Variants in ANO1 observed in about 807,000 individuals in gnomAD.
The protein encoded by ANO1 is anoctamin 1, also known as anoctamin-1.
In ANO1, 59 loss-of-function variants were observed where a neutral mutation model predicts 124.0. The ratio of observed to expected loss-of-function variants is 0.48; its 90% CI spans 0.39 to 0.59. The LOEUF (loss-of-function observed/expected upper bound fraction) is 0.59. Ranked by LOEUF, ANO1 falls within the 20% of genes least tolerant of loss-of-function variation. The pLI, the probability that ANO1 is intolerant of heterozygous loss-of-function variation, is 0.00. For synonymous variants in ANO1, 529 were observed against 532.0 expected, an observed-to-expected ratio of 0.99 and a Z score of 0.08; for missense variants, 1,059 against 1,328.0, an observed-to-expected ratio of 0.80 and a Z score of 3.15.
rs954468750 is a variant in ANO1, at chr11:70,188,861, C to G, written c.*857C>G. ...AGAAGTCTTAGGGCTTCCAGGGGTCCCCTGGAAGCTTTAGAATATTTATGG... is the reference window on the plus strand; with the variant it reads ...AGAAGTCTTAGGGCTTCCAGGGGTCGCCTGGAAGCTTTAGAATATTTATGG... On this transcript the variant is annotated 3_prime_UTR_variant, in exon 26 of 26. Coordinates refer to ENST00000355303, the MANE Select transcript of ANO1 (RefSeq NM_018043.7). The G allele has an allele frequency of 7.4e-6, 1 of 135,096 alleles. No individual in the cohort carries two copies. Among genetic ancestry groups the G allele is most frequent in the African/African-American group, 2.8e-5 (1 of 36,022 alleles). 8.4% of individuals were successfully genotyped at this position (135,096 alleles called of 1,614,324 possible).
intron 6 of ANO1, among the ~76,000 whole-genome samples, chr11:70,110,686 C>T (rs905865959): frequency 4.6e-5 from 7 of 152,148 alleles, no homozygotes; most frequent in African/African-American, 1.7e-4. Flanking sequence ...GTGGTCCGCC[C>T]AGGCTGCTGT....
the ANO1 span, among the ~76,000 whole-genome samples, chr11:69,967,228 A>G: frequency 6.8e-6 from 1 of 147,910 alleles, no homozygotes; most frequent in South Asian, 2.2e-4. Context: ...GAGCGCCCGT[A>G]TCACACGTTA....
chr11:70,185,753 T>G (rs771460319), intron 25 of ANO1, 58 bp downstream of exon 25: 37 of 1,559,038 alleles, frequency 2.4e-5, no homozygotes, highest in Non-Finnish European at 3.3e-5. Flanking sequence ...GGGACCATCC[T>G]GTGCCTACAG....
At chr11:70,101,699 C>A (rs1590733921) in intron 2 of ANO1, among the ~76,000 whole-genome samples, 1 of 151,400 alleles carries the variant, frequency 6.6e-6, no homozygotes, top group Non-Finnish European at 1.5e-5. Flanking sequence ...GGGTCCAGAA[C>A]CCAGGTCAGG....
At chr11:70,082,325 G>A (rs951405451) in intron 1 of ANO1, among the ~76,000 whole-genome samples, 1 of 152,236 alleles carries the variant, frequency 6.6e-6, no homozygotes, top group Non-Finnish European at 1.5e-5. Flanking sequence ...TTGGGAGGCC[G>A]AGGCTGGTGG....
chr11:70,103,248 G>A lies in ANO1; in HGVS notation c.540+84G>A, dbSNP rs577615716. 2.5e-4 allele frequency: 274 copies of A among 1,092,800 alleles called. No individual in the cohort carries two copies. The East Asian group carries it at 6.2e-3, about 25-fold the overall frequency. 67.7% of individuals were successfully genotyped at this position (1,092,800 alleles called of 1,614,324 possible). ...CCTGGCAGTGAAACATGCCGACCTCGAGGCCCTGAGTTTTATAAAAAAAAA... is the reference window on the plus strand; with the variant it reads ...CCTGGCAGTGAAACATGCCGACCTCAAGGCCCTGAGTTTTATAAAAAAAAA... On this transcript the variant is annotated intron_variant, in intron 3 of 25. Coordinates refer to ENST00000355303, the MANE Select transcript of ANO1 (RefSeq NM_018043.7).
At chr11:70,120,926 G>A (rs34837152) in intron 8 of ANO1, among the ~76,000 whole-genome samples, 2 of 152,068 alleles carry the variant, frequency 1.3e-5, no homozygotes, top group Admixed American at 1.3e-4. Context: ...CCTGCTCACC[G>A]GGGCTAAGGT....
rs770727713 is a variant in ANO1 at position 70,126,212 on chromosome 11, C to T, written c.1097+17C>T. 5.6e-6 allele frequency: 9 copies of T among 1,607,584 alleles called. No individual in the cohort carries two copies. The African/African-American group carries it at 9.4e-5, about 17-fold the overall frequency. ...CATCCCCAGGTAGGCGGCAGCCCAC[C>T]CCCACCACCCCGCAGTACACAGAGG... is the stretch of plus-strand genomic sequence containing the variant. On this transcript the variant is annotated intron_variant, in intron 10 of 25. Transcript: ENST00000355303.
rs528941709 is a variant in ANO1 at position 70,004,890 on chromosome 11, A to C, written c.58+18724A>C. Among the ~76,000 whole-genome samples the C allele has an allele frequency of 3.3e-4, 51 of 152,246 alleles. No individual in the cohort carries two copies. The South Asian group carries it at 9.5e-3, about 28-fold the overall frequency. On this transcript the variant is annotated intron_variant, in intron 1 of 27. Coordinates refer to the ANO1 transcript ENST00000531349. ...CACTTTGGGAGTCCCAGGTGGGTGG[A>C]TCACCTGAGGTCAGGAGTTCGAGAC...
intron 1 of ANO1, among the ~76,000 whole-genome samples, chr11:70,008,176 T>C (rs190249495): frequency 3.9e-5 from 6 of 152,360 alleles, no homozygotes; most frequent in African/African-American, 1.2e-4. Context: ...ATCAAATATA[T>C]GCCTTACAAA....
intron 1 of ANO1, among the ~76,000 whole-genome samples, chr11:70,066,985 C>T (rs529644353): frequency 9.2e-5 from 14 of 152,296 alleles, no homozygotes; most frequent in African/African-American, 3.1e-4. Context: ...CCAGTCTGTC[C>T]GGGGTGTCCA....
intron 1 of ANO1, among the ~76,000 whole-genome samples, chr11:70,019,244 CACACACACACACACACACATTCACT>C (rs1856756834): frequency 1.5e-5 from 2 of 131,654 alleles, no homozygotes. Context: ...AGAACCCCCC[CACACACACACACACACACATTCACT>C]CCCCCGTCTA....
upstream of ANO1, among the ~76,000 whole-genome samples, chr11:69,982,832 G>A (rs574380141): frequency 6.6e-6 from 1 of 152,268 alleles, no homozygotes; most frequent in Non-Finnish European, 1.5e-5. Flanking sequence ...ACCCATGGCA[G>A]GCATTCAAAG....
At chr11:70,093,970 CCT>C (rs1053790280) in intron 2 of ANO1, among the ~76,000 whole-genome samples, 11 of 152,252 alleles carry the variant, frequency 7.2e-5, no homozygotes, top group African/African-American at 2.7e-4. Flanking sequence ...AGTGGCTTCA[CCT>C]CTCTGGGTCT....
At chr11:70,178,067 T>C (rs2048795054) in intron 22 of ANO1, among the ~76,000 whole-genome samples, 1 of 152,252 alleles carries the variant, frequency 6.6e-6, no homozygotes, top group Non-Finnish European at 1.5e-5. Context: ...TCTGCACTCG[T>C]GCAGTCACTC....
chr11:69,987,604 C>CAAAAAAAAAA (rs202001305), intron 1 of ANO1, among the ~76,000 whole-genome samples: 5 of 109,722 alleles, frequency 4.6e-5, no homozygotes, highest in African/African-American at 2.1e-4. Context: ...GACCATGTCT[C>CAAAAAAAAAA]AAAAAAAAAA....
intron 8 of ANO1, 60 bp downstream of exon 8, chr11:70,116,559 G>A (rs559789770): frequency 1.5e-5 from 23 of 1,528,670 alleles, no homozygotes; most frequent in Admixed American, 7.8e-5. Context: ...GTTCTGGGGC[G>A]GGGTGGGCCT....
Position 70,180,140 on chromosome 11 carries a change from C to T in ANO1, c.2403+84C>T, listed in dbSNP as rs1590939182. ...GGGGCCCTGTGGAGAAGGAGCTGGG[C>T]ATGGGTCTTCTGCCTCTAGCCATGG... is the stretch of plus-strand genomic sequence containing the variant. On this transcript the variant is annotated intron_variant, in intron 23 of 25. Coordinates refer to ENST00000355303, the MANE Select transcript of ANO1 (RefSeq NM_018043.7). 10 of 1,280,336 alleles carry T rather than the reference C, an allele frequency of 7.8e-6. No homozygotes were observed. The East Asian group carries it at 2.3e-4, about 30-fold the overall frequency. 79.3% of individuals were successfully genotyped at this position (1,280,336 alleles called of 1,614,324 possible). A position where few individuals can be genotyped will look rare whatever the true frequency, so the allele number is the denominator to read the frequency against.
rs546647569 is a variant in ANO1, at chr11:70,187,003, C to T, written c.2695-735C>T. ...AGGCATGGCACCCCAGACCTGGCCT[C>T]ACCTGGAGGCAAGGCAGCCCCTAGA... On this transcript the variant is annotated intron_variant, in intron 25 of 25. Coordinates refer to ENST00000355303, the MANE Select transcript of ANO1 (RefSeq NM_018043.7). Among the ~76,000 whole-genome samples the T allele has an allele frequency of 2.0e-4, 31 of 152,346 alleles. No individual in the cohort carries two copies. The South Asian group carries it at 3.1e-3, about 15-fold the overall frequency.
Sources: allele counts gnomAD v4.1 joint callset (sites outside exome capture counted in the v4.1 genomes callset), GRCh38; gene constraint gnomAD v4.1.1; transcripts MANE v1.5; gene names NCBI Gene and HGNC (gene_info 2026-07-23, HGNC 2026-07-21).